Variants in ZRANB3 observed in about 807,000 individuals in gnomAD.
ZRANB3 encodes zinc finger RANBP2-type containing 3.
ZRANB3 carries 125 observed loss-of-function variants against 133.8 expected under a neutral mutation model. That is an observed-to-expected ratio of 0.93 (90% CI 0.81 to 1.08). The LOEUF is 1.08. Among genes scored for constraint, ZRANB3 ranks in the 50% least tolerant of loss-of-function variants. ZRANB3 has a pLI of 0.00. For missense variants in ZRANB3, 1,229 were observed against 1,275.5 expected (o/e 0.96, Z 0.56); for synonymous variants, 387 against 432.7 (o/e 0.89, Z 1.31).
At chr2:135,295,863 C>T (rs1401143632) in intron 8 of ZRANB3, among the ~76,000 whole-genome samples, 4 of 152,192 alleles carry the variant, frequency 2.6e-5, no homozygotes, top group Non-Finnish European at 5.9e-5. Flanking sequence ...ATATGAAATT[C>T]TGGGTTGAAA....
chr2:135,499,575 A>C (rs1457216645), intron 2 of ZRANB3, among the ~76,000 whole-genome samples: 1 of 152,252 alleles, frequency 6.6e-6, no homozygotes, highest in Non-Finnish European at 1.5e-5. Context: ...AAAGATGTCC[A>C]AATGGCTAAT....
At chr2:135,513,316 C>T (rs1424728929) in intron 1 of ZRANB3, among the ~76,000 whole-genome samples, 1 of 152,124 alleles carries the variant, frequency 6.6e-6, no homozygotes, top group Non-Finnish European at 1.5e-5. Flanking sequence ...AAATTTACTA[C>T]AAAGTGACAA....
At chr2:135,490,329 TAAAAA>T (rs1195052224) in intron 2 of ZRANB3, among the ~76,000 whole-genome samples, 2 of 151,976 alleles carry the variant, frequency 1.3e-5, no homozygotes, top group East Asian at 3.9e-4. Context: ...ATATTCCAAT[TAAAAA>T]ATGGACAAAA....
intron 1 of ZRANB3, chr2:135,510,912 A>G (rs978405736): frequency 9.2e-6 from 11 of 1,195,588 alleles, no homozygotes; most frequent in Admixed American, 8.4e-5. Context: ...CAGGTTGCCA[A>G]TGAAGAGTTG....
At chr2:135,245,146 G>A (rs1695733865) in intron 12 of ZRANB3, among the ~76,000 whole-genome samples, 1 of 152,202 alleles carries the variant, frequency 6.6e-6, no homozygotes, top group Non-Finnish European at 1.5e-5. Context: ...GAACAATGAT[G>A]AATGCTGTCA....
At chr2:135,525,360 A>G (rs1694107537) in intron 1 of ZRANB3, among the ~76,000 whole-genome samples, 1 of 152,192 alleles carries the variant, frequency 6.6e-6, no homozygotes, top group South Asian at 2.1e-4. Flanking sequence ...ATTAGTAGGA[A>G]AGAAAATGGG....
chr2:135,207,404 C>T (rs1237780824), intron 19 of ZRANB3, 30 bp downstream of exon 19: 1 of 1,566,936 alleles, frequency 6.4e-7, no homozygotes, highest in Non-Finnish European at 8.6e-7. Context: ...TACAATGCTG[C>T]CTTCTATCTA....
chr2:135,259,219 A>G (rs940941994), intron 12 of ZRANB3, among the ~76,000 whole-genome samples: 2 of 151,764 alleles, frequency 1.3e-5, no homozygotes, highest in African/African-American at 4.8e-5. Context: ...TAATGAGACA[A>G]GGTCTAGCCA....
In ZRANB3 at chr2:135,470,356, T is replaced by A. The variant is rs895061292; in HGVS notation, c.161+33973A>T. Among the ~76,000 whole-genome samples, 11 of 148,746 alleles carry A rather than the reference T, an allele frequency of 7.4e-5. No individual in the cohort carries two copies. The Admixed American group carries it at 7.4e-4, about 10-fold the overall frequency. ...AAAAAATTCTAAAATACTCTAAAAG[T>A]AGGTATGTTTTATTATTTTGATCTT... On this transcript the variant is annotated intron_variant, in intron 2 of 20. Transcript: ENST00000264159.
chr2:135,488,406 C>A (rs1692217376), intron 2 of ZRANB3, among the ~76,000 whole-genome samples: 1 of 151,880 alleles, frequency 6.6e-6, no homozygotes, highest in Non-Finnish European at 1.5e-5. Flanking sequence ...TACCACAAAC[C>A]TTCAACTTGT....
intron 3 of ZRANB3, among the ~76,000 whole-genome samples, chr2:135,386,683 T>C (rs994265033): frequency 2.0e-5 from 3 of 152,286 alleles, no homozygotes; most frequent in African/African-American, 7.2e-5. Flanking sequence ...TAAGTTCGTG[T>C]CCTTTGCAGA....
At chr2:135,311,067 C>T (rs1056204574) in intron 8 of ZRANB3, among the ~76,000 whole-genome samples, 1 of 151,770 alleles carries the variant, frequency 6.6e-6, no homozygotes, top group Non-Finnish European at 1.5e-5. Context: ...AATCCATAGA[C>T]TTGGAGGACA....
At chr2:135,472,455 G>C (rs1412735682) in intron 2 of ZRANB3, among the ~76,000 whole-genome samples, 2 of 146,784 alleles carry the variant, frequency 1.4e-5, no homozygotes, top group Non-Finnish European at 3.0e-5. Context: ...AGCTGAGATC[G>C]AGCTACTGCA....
chr2:135,501,371 A>C (rs1692933556), intron 2 of ZRANB3, among the ~76,000 whole-genome samples: 1 of 152,162 alleles, frequency 6.6e-6, no homozygotes, highest in Admixed American at 6.5e-5. Context: ...CTTTTGGGAA[A>C]ATGTAGAAAG....
Position 135,306,412 on chromosome 2 carries a change from C to A in ZRANB3, c.966+7077G>T, listed in dbSNP as rs1331061079. ...ACGCCATTCTCCTGCCTCAGCCTCC[C>A]GAGTAGCTGGGACTACAGGCACCCG... On this transcript the variant is annotated intron_variant, in intron 8 of 20. Coordinates refer to ENST00000264159, the MANE Select transcript of ZRANB3 (RefSeq NM_032143.4). Among the ~76,000 whole-genome samples the A allele has an allele frequency of 1.3e-5, 2 of 150,328 alleles. 1 individual carries two copies. Among genetic ancestry groups the A allele is most frequent in the South Asian group, 4.2e-4 (2 of 4,734 alleles).
rs1166170814 is a variant in ZRANB3 at position 135,455,171 on chromosome 2, CTTTTTTTTTTTTTTT to C, written c.161+49143_161+49157del. 7.4e-3 allele frequency among the ~76,000 whole-genome samples: 279 copies of C among 37,604 alleles called. 1 individual carries two copies. Among genetic ancestry groups the C allele is most frequent in the Non-Finnish European group, 9.6e-3 (197 of 20,602 alleles). The allele number at this position is 37,604 out of a possible 152,430, so 24.7% of individuals were successfully genotyped here. ...AATGGGATCACAATGCCTTCTTATA[CTTTTTTTTTTTTTTT>C]TTTTTTTTTTTTTTTTTTTGAGACG... On this transcript the variant is annotated intron_variant, in intron 2 of 20. Transcript: ENST00000264159.
At chr2:135,406,773 C>A (rs1574053924) in intron 2 of ZRANB3, among the ~76,000 whole-genome samples, 1 of 152,022 alleles carries the variant, frequency 6.6e-6, no homozygotes, top group Non-Finnish European at 1.5e-5. Context: ...ATTCAACAAC[C>A]CTTCATGCTA....
intron 12 of ZRANB3, among the ~76,000 whole-genome samples, chr2:135,263,851 C>A (rs1450570471): frequency 4.6e-5 from 7 of 151,798 alleles, no homozygotes; most frequent in African/African-American, 1.7e-4. Flanking sequence ...TCTCGGCTCA[C>A]CAAAACTTCC....
At chr2:135,258,490 T>C (rs1473111060) in intron 12 of ZRANB3, among the ~76,000 whole-genome samples, 1 of 152,102 alleles carries the variant, frequency 6.6e-6, no homozygotes, top group East Asian at 1.9e-4. Flanking sequence ...TTGCTGAGAG[T>C]CCCTGTTTCC....
Sources: gnomAD v4.1 joint callset for allele counts (sites outside exome capture counted in the v4.1 genomes callset) on GRCh38, gnomAD v4.1.1 for gene constraint, MANE v1.5 for transcripts, NCBI Gene and HGNC (gene_info 2026-07-23, HGNC 2026-07-21) for gene names.